The following HCN1 variants were observed in gnomAD, a reference collection of about 807,000 sequenced individuals.
The protein encoded by HCN1 is hyperpolarization activated cyclic nucleotide gated potassium channel 1.
Under a neutral mutation model 78.9 loss-of-function variants are expected in HCN1, and 13 were observed. That is an observed-to-expected ratio of 0.16 (90% CI 0.11 to 0.26). The LOEUF (loss-of-function observed/expected upper bound fraction) is 0.26. Ranked by LOEUF, HCN1 falls within the 10% of genes least tolerant of loss-of-function variation. HCN1 has a pLI of 1.00. For synonymous variants in HCN1, 552 were observed against 455.5 expected (o/e 1.21, Z -2.70); for missense variants, 810 against 1,154.3 (o/e 0.70, Z 4.32).
At chr5:45,673,159 T>C (rs1580041557) in intron 1 of HCN1, among the ~76,000 whole-genome samples, 2 of 151,570 alleles carry the variant, frequency 1.3e-5, no homozygotes, top group African/African-American at 2.4e-5. Context: ...CTTTGTAAAA[T>C]GACCTTAAAA....
intron 1 of HCN1, among the ~76,000 whole-genome samples, chr5:45,666,013 C>G (rs1215347639): frequency 1.3e-5 from 2 of 152,038 alleles, no homozygotes; most frequent in African/African-American, 4.8e-5. Flanking sequence ...ACTCTCCCCC[C>G]AAGTTCTCTT....
At chr5:45,356,369 A>T (rs769210064) in intron 4 of HCN1, among the ~76,000 whole-genome samples, 3 of 151,936 alleles carry the variant, frequency 2.0e-5, no homozygotes, top group Non-Finnish European at 4.4e-5. Context: ...AAGTTTCTGT[A>T]TAATTATAAA....
chr5:45,473,236 T>A (rs933160546), intron 2 of HCN1, among the ~76,000 whole-genome samples: 1 of 151,936 alleles, frequency 6.6e-6, no homozygotes, highest in African/African-American at 2.4e-5. Flanking sequence ...CTTCTATATA[T>A]CTCGAGAGAA....
At chr5:45,298,589 T>A (rs1312407969) in intron 6 of HCN1, among the ~76,000 whole-genome samples, 1 of 152,012 alleles carries the variant, frequency 6.6e-6, no homozygotes, top group African/African-American at 2.4e-5. Context: ...TACTGGATTA[T>A]AACCCAAATT....
chr5:45,562,123 G>T (rs991657630), intron 2 of HCN1, among the ~76,000 whole-genome samples: 3 of 152,032 alleles, frequency 2.0e-5, no homozygotes, highest in African/African-American at 4.8e-5. Context: ...CAAATTTGTG[G>T]CTGGCATTTG....
intron 3 of HCN1, among the ~76,000 whole-genome samples, chr5:45,445,140 G>C (rs1243746676): frequency 1.3e-5 from 2 of 152,216 alleles, no homozygotes; most frequent in African/African-American, 4.8e-5. Flanking sequence ...GTCAAAGAAA[G>C]GGGTGACAGA....
intron 6 of HCN1, among the ~76,000 whole-genome samples, chr5:45,272,819 A>T (rs1376728192): frequency 6.6e-6 from 1 of 152,014 alleles, no homozygotes; most frequent in African/African-American, 2.4e-5. Flanking sequence ...ATAGATATGC[A>T]TGTTGATTTC....
chr5:45,385,320 A>G (rs1034606423), intron 4 of HCN1, among the ~76,000 whole-genome samples: 1 of 152,164 alleles, frequency 6.6e-6, no homozygotes. Context: ...AAGAGCACTT[A>G]TTAATTTATG....
At chr5:45,303,923 C>G (rs1474523382) in intron 5 of HCN1, 84 bp from the exon 6 acceptor site, 10 of 1,177,992 alleles carry the variant, frequency 8.5e-6, no homozygotes, top group Non-Finnish European at 1.3e-5. Context: ...AAAATATATA[C>G]AGCATAACAT....
intron 4 of HCN1, among the ~76,000 whole-genome samples, chr5:45,369,847 A>G (rs1185029370): frequency 1.3e-5 from 2 of 152,102 alleles, no homozygotes; most frequent in Admixed American, 6.6e-5. Context: ...AGCGCAAGCT[A>G]AAATAAGATA....
chr5:45,375,986 A>G (rs1747641329), intron 4 of HCN1, among the ~76,000 whole-genome samples: 2 of 118,046 alleles, frequency 1.7e-5, no homozygotes, highest in Non-Finnish European at 3.2e-5. Context: ...CATATATTAT[A>G]TATGATATAA....
Position 45,695,764 on chromosome 5 carries a change from G to A in HCN1, c.330C>T (p.Ser110=), listed in dbSNP as rs1317026556. 1.2e-6 allele frequency: 2 copies of A among 1,612,248 alleles called. No homozygotes were observed. Among genetic ancestry groups the A allele is most frequent in the Non-Finnish European group, 8.5e-7 (1 of 1,179,676 alleles). ...CCTTCTGGCTCCCAAACATGCGGAG[G>A]GAGAATTTGTTGACCCCGGGCTGCA... ...SMLQPGVNKF[S]LRMFGSQKAV... The change falls in exon 1 of 8, where the codon TCC becomes TCT. Residue 110 remains serine (S), a synonymous_variant. Transcript: ENST00000303230.
Position 45,263,997 on chromosome 5 carries a change from G to T in HCN1, c.1784-1187C>A, listed in dbSNP as rs192283640. Among the ~76,000 whole-genome samples, 1,176 of 152,218 alleles carry T rather than the reference G, an allele frequency of 7.7e-3. 9 individuals are homozygous for T. The highest frequency in any genetic ancestry group is 0.012 in the Non-Finnish European group (826 of 67,998). ...TTTAGTAGAGATGGGGTTTCACCAT[G>T]TTAGCCAGGATGGTCTCCATCTCAT... On this transcript the variant is annotated intron_variant, in intron 7 of 7. Coordinates refer to ENST00000303230, the MANE Select transcript of HCN1 (RefSeq NM_021072.4).
Position 45,298,254 on chromosome 5 carries a change from G to C in HCN1, c.1618+5345C>G, listed in dbSNP as rs191479161. On this transcript the variant is annotated intron_variant, in intron 6 of 7. Transcript: ENST00000303230. The stretch of plus-strand genomic sequence containing the variant: ...GATTTATAATCGGAGAGAACTGGTA[G>C]CTTTATAAACAGAGAAAGAAGAACT... 9.5e-4 allele frequency among the ~76,000 whole-genome samples: 144 copies of C among 152,086 alleles called. 1 individual carries two copies. Among genetic ancestry groups the C allele is most frequent in the Admixed American group, 3.1e-3 (47 of 15,234 alleles).
At chr5:45,325,065 A>G (rs1264001512) in intron 5 of HCN1, among the ~76,000 whole-genome samples, 1 of 151,664 alleles carries the variant, frequency 6.6e-6, no homozygotes, top group Non-Finnish European at 1.5e-5. Flanking sequence ...CTGGAGCAGG[A>G]ACAGAATGTA....
Position 45,262,214 on chromosome 5 carries a change from G to A in HCN1, c.2380C>T (p.Pro794Ser). Residue 794 changes from proline to serine, a missense_variant, in exon 8 of 8, where the codon CCC becomes TCC. Pro to Ser is a moderately conservative substitution (Grantham distance 74, BLOSUM62 -1). Coordinates refer to ENST00000303230, the MANE Select transcript of HCN1 (RefSeq NM_021072.4). Reference protein sequence around the residue: ...RPLSASQPSLPHEVSTLISRP... With the variant: ...RPLSASQPSLSHEVSTLISRP... Reference sequence around the variant, plus strand: ...GAAATCAGAGTGGACACCTCATGGGGCAGCGAGGGCTGCGAGGCGGAGAGT... The same window carrying A: ...GAAATCAGAGTGGACACCTCATGGGACAGCGAGGGCTGCGAGGCGGAGAGT... 1.2e-6 allele frequency: 2 copies of A among 1,614,042 alleles called. No individual in the cohort carries two copies. The highest frequency in any genetic ancestry group is 1.7e-6 in the Non-Finnish European group (2 of 1,180,034).
intron 2 of HCN1, among the ~76,000 whole-genome samples, chr5:45,548,853 C>G (rs1433118181): frequency 7.9e-5 from 12 of 151,686 alleles, no homozygotes; most frequent in Admixed American, 2.6e-4. Flanking sequence ...ACACCAATAA[C>G]AGACAAACAG....
intron 2 of HCN1, 69 bp from the exon 3 acceptor site, chr5:45,462,076 G>C (rs868768091): frequency 3.3e-6 from 4 of 1,196,600 alleles, no homozygotes; most frequent in Middle Eastern, 3.8e-4. Context: ...ACTACTGATA[G>C]TAGGCATTGA....
chr5:45,293,162 G>A (rs368203568), intron 6 of HCN1, among the ~76,000 whole-genome samples: 4 of 152,044 alleles, frequency 2.6e-5, no homozygotes, highest in South Asian at 4.2e-4. Flanking sequence ...AGGTCTTTGA[G>A]GAATTACAAC....
Sources: allele counts gnomAD v4.1 joint callset (sites outside exome capture counted in the v4.1 genomes callset), GRCh38; gene constraint gnomAD v4.1.1; transcripts MANE v1.5; gene names NCBI Gene and HGNC (gene_info 2026-07-23, HGNC 2026-07-21).